Variants in MACROD1 observed in about 807,000 individuals in gnomAD.
The protein encoded by MACROD1 is mono-ADP ribosylhydrolase 1.
In MACROD1, 31 loss-of-function variants were observed where a neutral mutation model predicts 41.4. The ratio of observed to expected loss-of-function variants is 0.75; its 90% confidence interval spans 0.56 to 1.01. The LOEUF (loss-of-function observed/expected upper bound fraction) is 1.01. Among genes scored for constraint, MACROD1 ranks in the 50% least tolerant of loss-of-function variants. The pLI is 0.00. For synonymous variants in MACROD1, 252 were observed against 203.4 expected (o/e 1.24, Z -2.03); for missense variants, 473 against 460.0 (o/e 1.03, Z -0.26).
intron 3 of MACROD1, 146 bp from the exon 4 acceptor site, chr11:64,015,427 G>A: frequency 1.5e-6 from 1 of 660,184 alleles, no homozygotes; most frequent in Non-Finnish European, 2.6e-6. Flanking sequence ...GTCCTCCGGG[G>A]CGGTAGTAGA....
At chr11:64,164,582 G>C (rs1945806784) in intron 1 of MACROD1, among the ~76,000 whole-genome samples, 2 of 152,268 alleles carry the variant, frequency 1.3e-5, no homozygotes, top group South Asian at 4.1e-4. Flanking sequence ...ACGGGCTAAA[G>C]TCGGTGCTTT....
At position 64,026,056 on chromosome 11, in the gene MACROD1, C is replaced by T. The variant is rs557061577; in HGVS notation, c.518-10775G>A. On this transcript the variant is annotated intron_variant, in intron 3 of 10. Transcript: ENST00000255681. ...ATCAGCTGGGCGTGGTGGTGCGCGC[C>T]GGTAATCCCAGCTACTCGGGAGGCT... 2.8e-4 allele frequency among the ~76,000 whole-genome samples: 42 copies of T among 152,250 alleles called. No homozygotes were observed. The South Asian group carries it at 7.5e-3, about 27-fold the overall frequency.
At chr11:64,125,439 T>C (rs1945163203) in intron 3 of MACROD1, among the ~76,000 whole-genome samples, 1 of 152,196 alleles carries the variant, frequency 6.6e-6, no homozygotes, top group Non-Finnish European at 1.5e-5. Flanking sequence ...CAATCCTTTC[T>C]CTGCCACCAA....
chr11:64,019,804 G>T (rs1385312827), intron 3 of MACROD1, among the ~76,000 whole-genome samples: 2 of 152,184 alleles, frequency 1.3e-5, no homozygotes, highest in Non-Finnish European at 2.9e-5. Context: ...GGGCGTGTGG[G>T]ATCTACTGAA....
At chr11:64,035,912 G>C (rs1480252846) in intron 3 of MACROD1, 1 of 145,344 alleles carries the variant, frequency 6.9e-6, no homozygotes, top group African/African-American at 2.5e-5. Flanking sequence ...CACGCACCCC[G>C]CCGCTGGACG....
At chr11:64,007,765 C>A (rs1309025954) in intron 4 of MACROD1, among the ~76,000 whole-genome samples, 1 of 152,208 alleles carries the variant, frequency 6.6e-6, no homozygotes, top group Non-Finnish European at 1.5e-5. Flanking sequence ...GGCACGCCCA[C>A]CCTGCACACA....
intron 3 of MACROD1, among the ~76,000 whole-genome samples, chr11:64,086,543 G>C (rs1944398315): frequency 6.6e-6 from 1 of 152,034 alleles, no homozygotes; most frequent in Non-Finnish European, 1.5e-5. Flanking sequence ...GTTGTCTCAG[G>C]ACAGCCACAA....
At chr11:64,130,236 G>A (rs563648639) in intron 3 of MACROD1, among the ~76,000 whole-genome samples, 19 of 152,290 alleles carry the variant, frequency 1.2e-4, no homozygotes, top group Admixed American at 9.8e-4. Context: ...GCTGCCCTGC[G>A]GCCAAGAGGC....
chr11:64,162,867 C>T (rs1341786335), intron 1 of MACROD1, among the ~76,000 whole-genome samples: 1 of 143,278 alleles, frequency 7.0e-6, no homozygotes, highest in African/African-American at 2.6e-5. Context: ...ACGCCTGTAA[C>T]CCCAGCACTC....
At chr11:64,089,577 G>C (rs1166886927) in intron 3 of MACROD1, among the ~76,000 whole-genome samples, 1 of 152,250 alleles carries the variant, frequency 6.6e-6, no homozygotes, top group East Asian at 1.9e-4. Flanking sequence ...CCACGGACCA[G>C]AGAAAGCGGC....
At chr11:64,138,017 T>C (rs1324909577) in intron 3 of MACROD1, among the ~76,000 whole-genome samples, 2 of 152,264 alleles carry the variant, frequency 1.3e-5, no homozygotes, top group Admixed American at 1.3e-4. Context: ...TGAATTCCAA[T>C]GACTTGTCAA....
At chr11:64,016,631 G>C (rs924871347) in intron 3 of MACROD1, among the ~76,000 whole-genome samples, 1 of 152,262 alleles carries the variant, frequency 6.6e-6, no homozygotes, top group African/African-American at 2.4e-5. Context: ...ACAGCTCTTC[G>C]CTTGGGGAAT....
chr11:64,132,687 C>A (rs895439543), intron 3 of MACROD1, among the ~76,000 whole-genome samples: 1 of 152,178 alleles, frequency 6.6e-6, no homozygotes, highest in African/African-American at 2.4e-5. Context: ...GTGCCCGGGT[C>A]TCCTAATGAA....
intron 4 of MACROD1, among the ~76,000 whole-genome samples, chr11:64,008,098 T>C (rs1476518510): frequency 6.6e-6 from 1 of 152,068 alleles, no homozygotes; most frequent in Non-Finnish European, 1.5e-5. Flanking sequence ...GAGCGCTGAA[T>C]ACTTAGAGGC....
intron 1 of MACROD1, among the ~76,000 whole-genome samples, chr11:64,160,696 G>T (rs931820483): frequency 6.6e-6 from 1 of 151,724 alleles, no homozygotes; most frequent in Non-Finnish European, 1.5e-5. Flanking sequence ...CATGCCTATA[G>T]TCCCAGCTAC....
chr11:64,063,085 CAT>C (rs1252616476), intron 3 of MACROD1, among the ~76,000 whole-genome samples: 1 of 152,156 alleles, frequency 6.6e-6, no homozygotes, highest in Non-Finnish European at 1.5e-5. Context: ...GTTTAGTCTC[CAT>C]ATGAGTGGAA....
At chr11:64,114,508 A>AATGG (rs1262899663) in intron 3 of MACROD1, among the ~76,000 whole-genome samples, 2 of 105,030 alleles carry the variant, frequency 1.9e-5, no homozygotes, top group East Asian at 3.4e-4. Context: ...TGGATGGATG[A>AATGG]ATGGATGGAT....
At chr11:64,154,015 G>A (rs1945626127) in intron 1 of MACROD1, among the ~76,000 whole-genome samples, 1 of 151,968 alleles carries the variant, frequency 6.6e-6, no homozygotes, top group East Asian at 1.9e-4. Context: ...ACCCAGTCTG[G>A]TCCCTCCTTC....
chr11:64,044,589 G>A (rs930980308), intron 3 of MACROD1, among the ~76,000 whole-genome samples: 1 of 152,120 alleles, frequency 6.6e-6, no homozygotes, highest in Non-Finnish European at 1.5e-5. Flanking sequence ...TTTACCCCAG[G>A]GGTAAACTGA....
Sources: gnomAD v4.1 joint callset for allele counts (sites outside exome capture counted in the v4.1 genomes callset) on GRCh38, gnomAD v4.1.1 for gene constraint, MANE v1.5 for transcripts, NCBI Gene and HGNC (gene_info 2026-07-23, HGNC 2026-07-21) for gene names.